PTPRG: variants seen among roughly 807,000 people sequenced by gnomAD.
PTPRG encodes the protein protein tyrosine phosphatase receptor type G.
PTPRG carries 102 observed loss-of-function variants against 165.3 expected under a neutral mutation model. The ratio of observed to expected loss-of-function variants is 0.62; its 90% CI spans 0.53 to 0.73. The LOEUF is 0.73. Ranked by LOEUF, PTPRG falls within the 30% of genes least tolerant of loss-of-function variation. The probability of loss-of-function intolerance (pLI) is 0.00; values close to 1 mark genes in which losing one functional copy is unlikely to be tolerated. For missense variants in PTPRG, 1,866 were observed against 1,861.4 expected (o/e 1.00, Z -0.05); for synonymous variants, 675 against 669.5 (o/e 1.01, Z -0.13).
chr3:61,707,080 G>C (rs2031303614), intron 1 of PTPRG, among the ~76,000 whole-genome samples: 1 of 152,000 alleles, frequency 6.6e-6, no homozygotes, highest in African/African-American at 2.4e-5. Flanking sequence ...CTTTATTGTT[G>C]TTATAATAAC....
intron 5 of PTPRG, among the ~76,000 whole-genome samples, chr3:62,097,630 T>C (rs1203747860): frequency 1.3e-5 from 2 of 152,322 alleles, no homozygotes; most frequent in East Asian, 3.9e-4. Flanking sequence ...GCATATGAAA[T>C]AAACTCCAGT....
At chr3:62,091,957 A>G (rs1057238310) in intron 5 of PTPRG, among the ~76,000 whole-genome samples, 4 of 151,574 alleles carry the variant, frequency 2.6e-5, no homozygotes, top group Non-Finnish European at 4.4e-5. Flanking sequence ...TTCCTTTGCA[A>G]TGTTGTGGAA....
At position 62,203,173 on chromosome 3, in the gene PTPRG, C is replaced by T. The variant is rs1179183316; in HGVS notation, c.1378C>T (p.Pro460Ser). 1.3e-6 allele frequency: 2 copies of T among 1,577,890 alleles called. No homozygotes were observed. The highest frequency in any genetic ancestry group is 2.3e-5 in the South Asian group (2 of 86,962). ...ACCCTTGCCGGGTGACCCTTTCCAG[C>T]CCACAGCGTCTCCTGCCTCTTCAGC... is the stretch of plus-strand genomic sequence containing the variant. ...QGTRIVKTGVPTASPASSADM... is the reference protein window; with the variant it reads ...QGTRIVKTGVSTASPASSADM... Residue 460 changes from proline (P) to serine (S), a missense_variant and splice_region_variant, in exon 12 of 30, where the codon CCC (proline) becomes TCC (serine). Pro to Ser is a moderately conservative substitution (Grantham distance 74). Transcript: ENST00000474889. This position sits in a 1 kb window ranked among gnomAD's most constrained non-coding sequence, Gnocchi z 6.4.
intron 2 of PTPRG, among the ~76,000 whole-genome samples, chr3:61,932,108 G>T (rs560420514): frequency 5.8e-4 from 89 of 152,266 alleles, no homozygotes; most frequent in African/African-American, 2.0e-3. Flanking sequence ...AATTAGCTTA[G>T]ATTTACTCTC....
intron 2 of PTPRG, among the ~76,000 whole-genome samples, chr3:61,952,204 A>T (rs1305432695): frequency 6.6e-6 from 1 of 151,510 alleles, no homozygotes; most frequent in East Asian, 1.9e-4. Context: ...TGTTTAGCAA[A>T]CCTGGGGCCC....
chr3:62,286,725 G>GCAAA (rs911564481), intron 28 of PTPRG, among the ~76,000 whole-genome samples: 50 of 152,172 alleles, frequency 3.3e-4, no homozygotes, highest in African/African-American at 1.2e-3. Context: ...AGAGGAAGTG[G>GCAAA]CAAACAAAAT....
At chr3:61,796,754 T>C (rs2035057112) in intron 2 of PTPRG, among the ~76,000 whole-genome samples, 1 of 152,202 alleles carries the variant, frequency 6.6e-6, no homozygotes, top group Non-Finnish European at 1.5e-5. Flanking sequence ...CCCCTTAATA[T>C]GTTTATATTG....
At chr3:61,981,365 C>G (rs983486263) in intron 2 of PTPRG, among the ~76,000 whole-genome samples, 1 of 152,254 alleles carries the variant, frequency 6.6e-6, no homozygotes, top group Non-Finnish European at 1.5e-5. Flanking sequence ...CAGGCGCTAA[C>G]TGGCGTAGGC....
At chr3:61,801,370 G>A (rs1268027064) in intron 2 of PTPRG, among the ~76,000 whole-genome samples, 1 of 150,860 alleles carries the variant, frequency 6.6e-6, no homozygotes, top group Admixed American at 6.6e-5. Flanking sequence ...GAGCAGTGGT[G>A]CGATCATGGC....
At chr3:61,833,648 C>T (rs577521657) in intron 2 of PTPRG, among the ~76,000 whole-genome samples, 19 of 151,180 alleles carry the variant, frequency 1.3e-4, no homozygotes, top group Admixed American at 3.3e-4. Context: ...CTGCAACCTC[C>T]GCCACCTGGG....
At chr3:62,048,100 G>A (rs72887867) in intron 4 of PTPRG, among the ~76,000 whole-genome samples, 18,446 of 151,870 alleles carry the variant, frequency 0.12, 1,205 homozygotes, top group South Asian at 0.21. Context: ...TGAGTGTTTC[G>A]TATTTAATAG....
chr3:62,263,442 A>T (rs1169318329), intron 17 of PTPRG: 1 of 153,000 alleles, frequency 6.5e-6, no homozygotes. Context: ...CATTCTTCAT[A>T]CAGAGCCTCA....
chr3:61,717,319 T>C (rs1184828565), intron 1 of PTPRG, among the ~76,000 whole-genome samples: 1 of 152,220 alleles, frequency 6.6e-6, no homozygotes, highest in African/African-American at 2.4e-5. Flanking sequence ...ATATTGTTAT[T>C]ATTCCCATTT....
chr3:62,033,239 G>T (rs940193212), intron 4 of PTPRG, among the ~76,000 whole-genome samples: 8 of 152,064 alleles, frequency 5.3e-5, no homozygotes, highest in Admixed American at 1.3e-4. Context: ...CTTCTGAGAA[G>T]AGTCTTTCCA....
At chr3:61,983,179 A>C (rs2040679209) in intron 2 of PTPRG, among the ~76,000 whole-genome samples, 3 of 152,312 alleles carry the variant, frequency 2.0e-5, no homozygotes, top group Admixed American at 2.0e-4. Flanking sequence ...TCGTGTACAC[A>C]CAAACAATAA....
chr3:62,225,656 C>G (rs914821113), intron 13 of PTPRG, among the ~76,000 whole-genome samples: 1 of 150,386 alleles, frequency 6.6e-6, no homozygotes. Context: ...AAGCAAAAAA[C>G]CTTTTTTTTT....
chr3:61,588,404 C>G (rs1310061617), intron 1 of PTPRG, among the ~76,000 whole-genome samples: 1 of 151,156 alleles, frequency 6.6e-6, no homozygotes, highest in Non-Finnish European at 1.5e-5. Flanking sequence ...TATCTTGAGA[C>G]AGAGTCTTGC....
chr3:62,018,715 A>G (rs992248428), intron 4 of PTPRG, among the ~76,000 whole-genome samples: 2 of 152,230 alleles, frequency 1.3e-5, no homozygotes, highest in Non-Finnish European at 2.9e-5. Flanking sequence ...CCCTTGGAAT[A>G]GGATGCATAG....
At chr3:61,595,319 A>G (rs1292731847) in intron 1 of PTPRG, among the ~76,000 whole-genome samples, 1 of 151,550 alleles carries the variant, frequency 6.6e-6, no homozygotes, top group African/African-American at 2.4e-5. Context: ...AAAAAATCTG[A>G]TTATATAGTG....
Sources: allele counts gnomAD v4.1 joint callset (sites outside exome capture counted in the v4.1 genomes callset), GRCh38; gene constraint gnomAD v4.1.1; non-coding constraint Gnocchi (gnomAD v3.1); transcripts MANE v1.5; gene names NCBI Gene and HGNC (gene_info 2026-07-23, HGNC 2026-07-21).